FRMD5: variants seen among roughly 807,000 people sequenced by gnomAD.
The protein encoded by FRMD5 is FERM domain-containing protein 5.
Under a neutral mutation model 69.0 loss-of-function variants are expected in FRMD5, and 20 were observed. The observed-to-expected ratio is 0.29, with a 90% confidence interval of 0.20 to 0.42. The LOEUF (loss-of-function observed/expected upper bound fraction) is 0.42, where lower values mean the gene tolerates loss of function less well. FRMD5 is among the 10% of genes least tolerant of loss of function. The pLI, the probability that FRMD5 is intolerant of heterozygous loss-of-function variation, is 1.00. For missense variants in FRMD5, 595 were observed against 708.6 expected (o/e 0.84, Z 1.82); for synonymous variants, 271 against 260.1 (o/e 1.04, Z -0.40).
chr15:44,011,823 G>A (rs1890734676), intron 1 of FRMD5, among the ~76,000 whole-genome samples: 1 of 152,202 alleles, frequency 6.6e-6, no homozygotes, highest in East Asian at 1.9e-4. Context: ...TCAAGAGGGT[G>A]TAGGAGGTCA....
chr15:44,197,668 G>A (rs1424343362), upstream of FRMD5, among the ~76,000 whole-genome samples: 11 of 109,338 alleles, frequency 1.0e-4, no homozygotes, highest in African/African-American at 3.3e-4. Context: ...GAGACAGCGA[G>A]ACTCCATCTC....
At chr15:44,061,256 G>A (rs1408298090) in intron 1 of FRMD5, among the ~76,000 whole-genome samples, 1 of 152,064 alleles carries the variant, frequency 6.6e-6, no homozygotes, top group African/African-American at 2.4e-5. Context: ...CAATATCATA[G>A]TTACTTAACT....
intron 1 of FRMD5, among the ~76,000 whole-genome samples, chr15:44,137,446 C>G (rs763969368): frequency 2.0e-4 from 30 of 152,170 alleles, no homozygotes; most frequent in Admixed American, 1.8e-3. Flanking sequence ...TGTGCCCTAC[C>G]ACCCTCTCCC....
intron 1 of FRMD5, among the ~76,000 whole-genome samples, chr15:43,932,663 C>T (rs2089694851): frequency 6.6e-6 from 1 of 152,206 alleles, no homozygotes; most frequent in Admixed American, 6.5e-5. Context: ...ATTAACTCAG[C>T]GTCCTGATCT....
intron 1 of FRMD5, among the ~76,000 whole-genome samples, chr15:43,926,691 AT>A (rs2089591762): frequency 6.6e-6 from 1 of 151,888 alleles, no homozygotes; most frequent in Non-Finnish European, 1.5e-5. Context: ...AGGAGGCAAC[AT>A]GTGGGCAACA....
rs1256273194 is a variant in FRMD5 at position 43,996,686 on chromosome 15, CT to C, written c.103-72378del. Among the ~76,000 whole-genome samples, 666 of 91,696 alleles carry C rather than the reference CT, an allele frequency of 7.3e-3. 2 individuals carry two copies. Among genetic ancestry groups the C allele is most frequent in the African/African-American group, 0.013 (333 of 26,292 alleles). 60.2% of individuals were successfully genotyped at this position (91,696 alleles called of 152,430 possible). ...CTGAATTGATCTGAGTGGGGATTGC[CT>C]TTTTTTTTTTTTTAAGCTCCTCAGC... On this transcript the variant is annotated intron_variant, in intron 1 of 13. Coordinates refer to ENST00000417257, the MANE Select transcript of FRMD5 (RefSeq NM_032892.5).
chr15:43,927,388 T>C (rs1255907238), intron 1 of FRMD5, among the ~76,000 whole-genome samples: 1 of 152,056 alleles, frequency 6.6e-6, no homozygotes, highest in African/African-American at 2.4e-5. Context: ...CAGGAAAGAG[T>C]GACTCTCAGG....
intron 6 of FRMD5, among the ~76,000 whole-genome samples, chr15:43,903,896 T>C (rs1407664542): frequency 6.6e-6 from 1 of 152,208 alleles, no homozygotes; most frequent in East Asian, 1.9e-4. Flanking sequence ...CCTGATCTCT[T>C]TGAAGGAACC....
upstream of FRMD5, among the ~76,000 whole-genome samples, chr15:44,198,685 A>G (rs1437266780): frequency 6.6e-6 from 1 of 152,226 alleles, no homozygotes; most frequent in Non-Finnish European, 1.5e-5. Flanking sequence ...ACAACAGAGC[A>G]AGACCTTGTC....
At position 43,924,281 on chromosome 15, in the gene FRMD5, T is replaced by C. The variant is rs2089544050; in HGVS notation, c.131A>G (p.Asp44Gly). The C allele has an allele frequency of 6.2e-7, 1 of 1,613,840 alleles. No homozygotes were observed. The highest frequency in any genetic ancestry group is 1.7e-5 in the Admixed American group (1 of 59,996). Residue 44 changes from aspartate (D) to glycine (G), a missense_variant, in exon 2 of 14, where the codon GAC becomes GGC. By Grantham distance (94) the Asp-to-Gly change is moderately conservative. This residue lies in a region of FRMD5 where 79 missense variants were observed against 139.9 expected (regional missense o/e 0.56). Coordinates refer to ENST00000417257, the MANE Select transcript of FRMD5 (RefSeq NM_032892.5). ...TAGGTTCAGATGGTGGCAAAGAAGG[T>C]CAAACAGGTACTGGCCTTTGGCATC... The part of the protein sequence containing the change: ...QRDAKGQYLF[D>G]LLCHHLNLLE...
intron 1 of FRMD5, among the ~76,000 whole-genome samples, chr15:44,130,799 T>C (rs2077088021): frequency 6.6e-6 from 1 of 152,192 alleles, no homozygotes; most frequent in African/African-American, 2.4e-5. Context: ...CAGATTTACT[T>C]ACAACCTTGA....
chr15:44,093,850 G>C (rs2076511805), intron 1 of FRMD5, among the ~76,000 whole-genome samples: 1 of 151,922 alleles, frequency 6.6e-6, no homozygotes, highest in African/African-American at 2.4e-5. Flanking sequence ...GGGATTACAG[G>C]CGTGATCCAC....
intron 13 of FRMD5, among the ~76,000 whole-genome samples, chr15:43,877,543 A>C (rs33986791): frequency 0.13 from 20,052 of 152,232 alleles, 1,789 homozygotes; most frequent in Middle Eastern, 0.23. Context: ...GAGCCCTGGA[A>C]TCTGGGTTAT....
intron 1 of FRMD5, among the ~76,000 whole-genome samples, chr15:43,955,753 G>A (rs1290306425): frequency 1.3e-5 from 2 of 151,788 alleles, no homozygotes; most frequent in Non-Finnish European, 2.9e-5. Flanking sequence ...TATGTTCCAT[G>A]TTTTCCAATG....
chr15:44,121,988 CAAAAAAA>C (rs34129381), intron 1 of FRMD5, among the ~76,000 whole-genome samples: 4 of 70,010 alleles, frequency 5.7e-5, no homozygotes, highest in South Asian at 4.5e-4. Context: ...AAGGGAGACT[CAAAAAAA>C]AAAAAAAAAA....
intron 1 of FRMD5, among the ~76,000 whole-genome samples, chr15:44,029,322 G>GA (rs34192621): frequency 0.87 from 129,884 of 149,372 alleles, 56,812 homozygotes; most frequent in East Asian, 0.97. Flanking sequence ...TTGCTTCAAG[G>GA]AAAAAAAAAA....
intron 1 of FRMD5, among the ~76,000 whole-genome samples, chr15:44,079,097 G>T (rs1473637426): frequency 1.3e-5 from 2 of 151,990 alleles, no homozygotes; most frequent in African/African-American, 2.4e-5. Context: ...TTAAAAAATA[G>T]GTAAAGGACT....
intron 1 of FRMD5, among the ~76,000 whole-genome samples, chr15:44,150,065 ATCATT>A (rs2077419386): frequency 1.3e-5 from 2 of 152,240 alleles, no homozygotes; most frequent in Non-Finnish European, 2.9e-5. Context: ...GAAAAAAATA[ATCATT>A]TCAACTGATG....
chr15:43,873,978 C>T lies in FRMD5; in HGVS notation c.1620G>A (p.Glu540=). The change falls in exon 14 of 14, where the codon GAG becomes GAA. Residue 540 remains glutamate, a synonymous_variant. Transcript: ENST00000417257. ...AFFRDIRQTP[E]FEQFHYQYFC... Reference sequence around the variant, plus strand: ...AGTATTGATAGTGGAATTGTTCAAACTCGGGGGTCTGGCGGATATCACGGA... The same window carrying T: ...AGTATTGATAGTGGAATTGTTCAAATTCGGGGGTCTGGCGGATATCACGGA... 6.2e-7 allele frequency: 1 copy of T among 1,614,160 alleles called. No homozygotes were observed. The highest frequency in any genetic ancestry group is 8.5e-7 in the Non-Finnish European group (1 of 1,180,034).
Sources: gnomAD v4.1 joint callset for allele counts (sites outside exome capture counted in the v4.1 genomes callset) on GRCh38, gnomAD v4.1.1 for gene constraint, gnomAD v4.1.1 regional missense constraint, MANE v1.5 for transcripts, NCBI Gene and HGNC (gene_info 2026-07-23, HGNC 2026-07-21) for gene names.